Variants in SYT14 observed in about 807,000 individuals in gnomAD.
SYT14 encodes the protein synaptotagmin 14, also known as synaptotagmin-14.
Under a neutral mutation model 74.2 loss-of-function variants are expected in SYT14, and 32 were observed. That is an observed-to-expected ratio of 0.43 (90% CI 0.33 to 0.58). The LOEUF is 0.58. Among genes scored for constraint, SYT14 ranks in the 20% least tolerant of loss-of-function variants. SYT14 has a pLI of 0.05. For missense variants in SYT14, 791 were observed against 981.8 expected (o/e 0.81, Z 2.60); for synonymous variants, 298 against 337.7 (o/e 0.88, Z 1.29).
Position 210,048,591 on chromosome 1 carries a change from A to T in SYT14, c.1312+27337A>T, listed in dbSNP as rs147344001. ...CCTCCCATCGAGTGCCTCCCATGTC[A>T]CATGGAACTTGTGAGAGTTAAAATT... On this transcript the variant is annotated intron_variant, in intron 5 of 9. Transcript: ENST00000637265. Among the ~76,000 whole-genome samples, 315 of 152,318 alleles carry T rather than the reference A, an allele frequency of 2.1e-3. 1 individual carries two copies. The highest frequency in any genetic ancestry group is 6.9e-3 in the African/African-American group (285 of 41,568).
rs144673440 is a variant in SYT14 at position 210,149,678 on chromosome 1, A to T, written c.2035-6043A>T. On this transcript the variant is annotated intron_variant, in intron 7 of 9. Transcript: ENST00000637265. The stretch of plus-strand genomic sequence containing the variant: ...GAAAAAGTGATCATTTTCTACTTCT[A>T]TTGTAGCTCTTCCTTTCCTAACCTG... 8.9e-4 allele frequency among the ~76,000 whole-genome samples: 136 copies of T among 152,302 alleles called. 1 individual carries two copies. The highest frequency in any genetic ancestry group is 3.1e-3 in the African/African-American group (129 of 41,562).
chr1:210,111,296 A>G (rs1019602013), intron 7 of SYT14, among the ~76,000 whole-genome samples: 1 of 152,062 alleles, frequency 6.6e-6, no homozygotes, highest in African/African-American at 2.4e-5. Context: ...GGGTGTCACA[A>G]GGTGCTCAGT....
intron 5 of SYT14, 41 bp downstream of exon 4, chr1:210,021,295 A>G: frequency 6.5e-7 from 1 of 1,547,648 alleles, no homozygotes; most frequent in Non-Finnish European, 8.9e-7. Context: ...GACACACTAT[A>G]GTATTTGATT....
chr1:210,150,705 CAGTG>C (rs1031659624), intron 7 of SYT14, among the ~76,000 whole-genome samples: 1 of 152,126 alleles, frequency 6.6e-6, no homozygotes, highest in Non-Finnish European at 1.5e-5. Context: ...CTTCCAGACA[CAGTG>C]AGAATTAAGT....
chr1:210,023,405 A>T (rs1053073336), intron 5 of SYT14, among the ~76,000 whole-genome samples: 6 of 152,172 alleles, frequency 3.9e-5, no homozygotes, highest in Admixed American at 3.9e-4. Flanking sequence ...GTGCAGTGGC[A>T]CGATCTTGGC....
chr1:209,991,985 G>T (rs1349416108), intron 2 of SYT14, among the ~76,000 whole-genome samples: 2 of 152,134 alleles, frequency 1.3e-5, no homozygotes, highest in Non-Finnish European at 2.9e-5. Flanking sequence ...ATTTGACCTA[G>T]CAATCTCATT....
At chr1:209,975,517 G>C (rs910410445) in intron 2 of SYT14, among the ~76,000 whole-genome samples, 6 of 152,188 alleles carry the variant, frequency 3.9e-5, no homozygotes, top group African/African-American at 9.7e-5. Flanking sequence ...TTATTGATTT[G>C]TGTATGTTGA....
chr1:210,077,545 G>A (rs2102467494), intron 5 of SYT14, among the ~76,000 whole-genome samples: 1 of 152,300 alleles, frequency 6.6e-6, no homozygotes, highest in South Asian at 2.1e-4. Flanking sequence ...TAATGCTGAT[G>A]TGAATATATG....
intron 2 of SYT14, chr1:209,953,184 C>G (rs986960849): frequency 3.9e-6 from 5 of 1,287,852 alleles, no homozygotes; most frequent in Non-Finnish European, 5.1e-6. Context: ...CATCCTTTGA[C>G]ACCAACAACT....
intron 2 of SYT14, among the ~76,000 whole-genome samples, chr1:210,006,066 A>AT (rs2079982729): frequency 6.6e-6 from 1 of 151,418 alleles, no homozygotes; most frequent in South Asian, 2.1e-4. Flanking sequence ...CTTAGAGGGC[A>AT]TTTTTTTTCC....
At chr1:210,134,650 G>T (rs1380462140) in intron 7 of SYT14, among the ~76,000 whole-genome samples, 1 of 151,944 alleles carries the variant, frequency 6.6e-6, no homozygotes, top group Non-Finnish European at 1.5e-5. Context: ...ATACAATAAT[G>T]AACTCCTTTC....
chr1:210,010,877 TTACAATGGG>T (rs1412872341), intron 2 of SYT14, among the ~76,000 whole-genome samples: 1 of 152,196 alleles, frequency 6.6e-6, no homozygotes, highest in East Asian at 1.9e-4. Context: ...TTGTCTCAAT[TTACAATGGG>T]GATGATAATA....
At chr1:209,940,584 G>A (rs1391555347) in intron 1 of SYT14, among the ~76,000 whole-genome samples, 1 of 152,092 alleles carries the variant, frequency 6.6e-6, no homozygotes, top group African/African-American at 2.4e-5. Context: ...GTCTAACACT[G>A]TTTTTTGGCA....
chr1:210,150,346 C>G (rs1426714399), intron 7 of SYT14, among the ~76,000 whole-genome samples: 2 of 152,186 alleles, frequency 1.3e-5, no homozygotes, highest in Admixed American at 6.5e-5. Context: ...CTTTGATACA[C>G]TCGGTATTTT....
At chr1:210,113,555 G>T (rs2082304076) in intron 7 of SYT14, among the ~76,000 whole-genome samples, 1 of 151,210 alleles carries the variant, frequency 6.6e-6, no homozygotes. Context: ...TGTGGGATGG[G>T]ATATTGGTGT....
intron 7 of SYT14, among the ~76,000 whole-genome samples, chr1:210,101,743 A>G (rs923272979): frequency 1.3e-5 from 2 of 152,128 alleles, no homozygotes; most frequent in African/African-American, 4.8e-5. Flanking sequence ...AGTTATTAAT[A>G]TGATTTCTAA....
intron 5 of SYT14, among the ~76,000 whole-genome samples, chr1:210,078,066 T>A (rs2081538535): frequency 6.6e-6 from 1 of 151,938 alleles, no homozygotes; most frequent in African/African-American, 2.4e-5. Flanking sequence ...ATCCCAGCAC[T>A]TTGGGAGGCC....
At chr1:210,155,278 A>G (rs1034421904) in intron 7 of SYT14, among the ~76,000 whole-genome samples, 4 of 152,076 alleles carry the variant, frequency 2.6e-5, no homozygotes, top group South Asian at 4.1e-4. Flanking sequence ...CAACTTTTCT[A>G]TATCTCTGTG....
intron 2 of SYT14, among the ~76,000 whole-genome samples, chr1:209,984,517 A>G (rs2079540115): frequency 6.6e-6 from 1 of 152,204 alleles, no homozygotes; most frequent in Admixed American, 6.5e-5. Context: ...TTTAAATAAT[A>G]AGATGAAAAT....
Sources: gnomAD v4.1 joint callset for allele counts (sites outside exome capture counted in the v4.1 genomes callset) on GRCh38, gnomAD v4.1.1 for gene constraint, MANE v1.5 for transcripts, NCBI Gene and HGNC (gene_info 2026-07-23, HGNC 2026-07-21) for gene names.